KLHL10: variants seen among roughly 807,000 people sequenced by gnomAD.
KLHL10 encodes kelch like family member 10, also known as kelch-like protein 10.
Under a neutral mutation model 46.6 loss-of-function variants are expected in KLHL10, and 11 were observed. The ratio of observed to expected loss-of-function variants is 0.24; its 90% CI spans 0.15 to 0.39. KLHL10 has a LOEUF of 0.39. Ranked by LOEUF, KLHL10 falls within the 10% of genes least tolerant of loss-of-function variation. The probability of loss-of-function intolerance (pLI) is 1.00; values close to 1 mark genes in which losing one functional copy is unlikely to be tolerated. For missense variants in KLHL10, 475 were observed against 789.8 expected, an observed-to-expected ratio of 0.60 and a Z score of 4.78; for synonymous variants, 254 against 279.1, an observed-to-expected ratio of 0.91 and a Z score of 0.90.
Position 41,845,724 on chromosome 17 carries a change from C to T in KLHL10, c.1283C>T (p.Ala428Val), listed in dbSNP as rs781857179. 14 of 1,613,592 alleles carry T rather than the reference C, an allele frequency of 8.7e-6. No homozygotes were observed. The East Asian group carries it at 3.1e-4, about 36-fold the overall frequency. Residue 428 changes from alanine (A) to valine (V), a missense_variant, in exon 3 of 5, where the codon GCC becomes GTC. Physicochemically the swap from Ala to Val is moderately conservative, Grantham distance 64. Transcript: ENST00000293303. ...PMHEQRSDAS[A>V]TTLYGKVYIC... is the part of the protein sequence containing the mutation. ...CACGAACAGAGGAGTGATGCAAGCG[C>T]CACAACACTTTATGGGAAGGTAAAG...
At position 41,845,822 on chromosome 17, in the gene KLHL10, A is replaced by G. The variant is rs144962669; in HGVS notation, c.1302+79A>G. On this transcript the variant is annotated intron_variant, in intron 3 of 4. Coordinates refer to ENST00000293303, the MANE Select transcript of KLHL10 (RefSeq NM_152467.5). Reference sequence around the variant, plus strand: ...ATGATACTGCTCTTTTTTGGGGTGGATGGAAGACGCAGTGGCAGTATTCAC... The same window carrying G: ...ATGATACTGCTCTTTTTTGGGGTGGGTGGAAGACGCAGTGGCAGTATTCAC... 51 of 1,574,314 alleles carry G rather than the reference A, an allele frequency of 3.2e-5. No homozygotes were observed. The South Asian group carries it at 5.1e-4, about 16-fold the overall frequency.
chr17:41,835,837 C>T (rs373979536), upstream of KLHL10: 11 of 1,587,426 alleles, frequency 6.9e-6, no homozygotes, highest in Admixed American at 1.8e-5. Context: ...GCCCGGCCGG[C>T]CCCCGCACGC....
In KLHL10 at chr17:41,845,526, T is replaced by A. The variant is rs1217774567; in HGVS notation, c.1085T>A (p.Val362Asp). ...AATAGTGTTAAGCGTTTTGACCCAG[T>A]CAAGAAAACTTGGCATCAGGTGGCC... ...YFNSVKRFDP[V>D]KKTWHQVAPM... Residue 362 changes from valine to aspartate, a missense_variant, in exon 3 of 5, where the codon GTC becomes GAC. Physicochemically the swap from Val to Asp is radical, Grantham distance 152. Coordinates refer to ENST00000293303, the MANE Select transcript of KLHL10 (RefSeq NM_152467.5). The A allele has an allele frequency of 1.4e-5, 22 of 1,614,200 alleles. No individual in the cohort carries two copies. Among genetic ancestry groups the A allele is most frequent in the Non-Finnish European group, 1.8e-5 (21 of 1,180,044 alleles).
chr17:41,839,180 C>CG (rs1461053468), intron 1 of KLHL10, among the ~76,000 whole-genome samples: 1 of 152,012 alleles, frequency 6.6e-6, no homozygotes, highest in African/African-American at 2.4e-5. Flanking sequence ...TTAGTAGAGA[C>CG]GGGGTTTCAC....
chr17:41,838,247 C>CCTG, intron 1 of KLHL10, 121 bp downstream of exon 1: 1 of 898,288 alleles, frequency 1.1e-6, no homozygotes, highest in South Asian at 1.5e-5. Context: ...AAGCTCTGGG[C>CCTG]TCCTTAAAAA....
rs139801029 is a variant in KLHL10 at position 41,840,192 on chromosome 17, C to T, written c.195-1631C>T. Among the ~76,000 whole-genome samples the T allele has an allele frequency of 1.7e-3, 258 of 152,330 alleles. 2 individuals carry two copies. Among genetic ancestry groups the T allele is most frequent in the Middle Eastern group, 0.01 (3 of 294 alleles). On this transcript the variant is annotated intron_variant, in intron 1 of 4. Coordinates refer to ENST00000293303, the MANE Select transcript of KLHL10 (RefSeq NM_152467.5). Reference sequence around the variant, plus strand: ...TTTTTGCAGGCCACACAGTCTGTTGCAACTACTCTGTTTTTATACTGCAAA... The same window carrying T: ...TTTTTGCAGGCCACACAGTCTGTTGTAACTACTCTGTTTTTATACTGCAAA...
At chr17:41,838,393 C>T (rs1423692098) in intron 1 of KLHL10, among the ~76,000 whole-genome samples, 2 of 152,088 alleles carry the variant, frequency 1.3e-5, no homozygotes, top group Non-Finnish European at 2.9e-5. Context: ...TCCCAAGTAG[C>T]TAGGTCTACA....
At position 41,842,108 on chromosome 17, in the gene KLHL10, C is replaced by G. The variant is rs1555620801; in HGVS notation, c.480C>G (p.Ala160=). 1 of 1,614,106 alleles carries G rather than the reference C, an allele frequency of 6.2e-7. No individual in the cohort carries two copies. The highest frequency in any genetic ancestry group is 2.2e-5 in the East Asian group (1 of 44,882). ...YYYCPELRQK[A]YMFILHNFEE... ...ACTGTCCTGAGCTGAGGCAGAAGGC[C>G]TACATGTTCATACTGCACAACTTTG... Residue 160 remains alanine, a synonymous_variant, in exon 2 of 5, where the codon GCC becomes GCG. Transcript: ENST00000293303.
rs781868754 is a variant in KLHL10, at chr17:41,842,071, C to T, written c.443C>T (p.Thr148Met). The T allele has an allele frequency of 6.2e-6, 10 of 1,614,002 alleles. No homozygotes were observed. In the Admixed American group the frequency reaches 1.0e-4, roughly 16 times the overall value. Residue 148 changes from threonine (T) to methionine (M), a missense_variant, in exon 2 of 5, where the codon ACG becomes ATG. Coordinates refer to ENST00000293303, the MANE Select transcript of KLHL10 (RefSeq NM_152467.5). ...LDNCIGICKF[T>M]DYYYCPELRQ... ...AATTGTATCGGCATCTGTAAGTTCACGGACTACTACTACTGTCCTGAGCTG... is the reference window on the plus strand; with the variant it reads ...AATTGTATCGGCATCTGTAAGTTCATGGACTACTACTACTGTCCTGAGCTG...
At chr17:41,835,731 C>T (rs1555619827), upstream of KLHL10, 1 of 994,748 alleles carries the variant, frequency 1.0e-6, no homozygotes, top group Non-Finnish European at 1.5e-6. Context: ...CTCCTTCAAG[C>T]TCCCGGCCAT....
chr17:41,845,779 C>A, intron 3 of KLHL10, 36 bp downstream of exon 3: 1 of 1,613,254 alleles, frequency 6.2e-7, no homozygotes, highest in Non-Finnish European at 8.5e-7. Context: ...GATGTGGATG[C>A]AAAGTACAAG....
At chr17:41,841,296 T>C (rs114917374) in intron 1 of KLHL10, among the ~76,000 whole-genome samples, 6,347 of 152,210 alleles carry the variant, frequency 0.042, 451 homozygotes, top group African/African-American at 0.15. Flanking sequence ...AAAAGGAAGA[T>C]AAAAAGCAGT....
At chr17:41,844,791 C>T (rs1207071295) in intron 2 of KLHL10, among the ~76,000 whole-genome samples, 4 of 151,676 alleles carry the variant, frequency 2.6e-5, no homozygotes, top group Non-Finnish European at 5.9e-5. Context: ...TCCGGTGATC[C>T]GCCCATCTCG....
chr17:41,837,584 A>G, upstream of KLHL10: 1 of 1,117,334 alleles, frequency 8.9e-7, no homozygotes, highest in Non-Finnish European at 1.1e-6. Flanking sequence ...AGAGACCTGT[A>G]TCAGGTGAGT....
intron 1 of KLHL10, among the ~76,000 whole-genome samples, chr17:41,839,760 T>C (rs1361666781): frequency 2.0e-5 from 3 of 152,234 alleles, no homozygotes; most frequent in Admixed American, 6.5e-5. Flanking sequence ...TCACCCAGGC[T>C]GGAGTGCAGT....
At chr17:41,837,519 G>A (rs4796715), upstream of KLHL10, 762,345 of 1,003,510 alleles carry the variant, frequency 0.76, 290,812 homozygotes, top group Admixed American at 0.85. Context: ...CCTTGAGTTC[G>A]GTGTCTAGGG....
rs1189194646 is a variant in KLHL10, at chr17:41,845,756, G to A, written c.1302+13G>A. ...ACTTTATGGGAAGGTAAAGGACCAG[G>A]GTGGGAGGGGAAGATGTGGATGCAA... is the stretch of plus-strand genomic sequence containing the variant. On this transcript the variant is annotated intron_variant, in intron 3 of 4. Transcript: ENST00000293303. 3 of 1,613,896 alleles carry A rather than the reference G, an allele frequency of 1.9e-6. No homozygotes were observed. Among genetic ancestry groups the A allele is most frequent in the Admixed American group, 1.7e-5 (1 of 59,988 alleles).
upstream of KLHL10, chr17:41,837,610 C>T: frequency 9.0e-7 from 1 of 1,110,930 alleles, no homozygotes. Context: ...GAGCTGGAAT[C>T]AATAAACACT....
At chr17:41,846,769 A>G (rs2048291246) in intron 3 of KLHL10, among the ~76,000 whole-genome samples, 1 of 151,762 alleles carries the variant, frequency 6.6e-6, no homozygotes. Flanking sequence ...GAGCCGGGAT[A>G]GCTCCACTGC....
Sources: gnomAD v4.1 joint callset for allele counts (sites outside exome capture counted in the v4.1 genomes callset) on GRCh38, gnomAD v4.1.1 for gene constraint, MANE v1.5 for transcripts, NCBI Gene and HGNC (gene_info 2026-07-23, HGNC 2026-07-21) for gene names.